HPSE2: variants seen among roughly 807,000 people sequenced by gnomAD.
HPSE2 encodes heparanase 2 (inactive), also known as inactive heparanase-2.
In HPSE2, 38 loss-of-function variants were observed where a neutral mutation model predicts 60.5. That is an observed-to-expected ratio of 0.63 (90% confidence interval 0.48 to 0.82). The LOEUF (loss-of-function observed/expected upper bound fraction) is 0.82, where lower values mean the gene tolerates loss of function less well. HPSE2 is among the 40% of genes least tolerant of loss of function. The pLI is 0.00. For missense variants in HPSE2, 713 were observed against 740.4 expected (o/e 0.96, Z 0.43); for synonymous variants, 295 against 293.2 (o/e 1.01, Z -0.06).
intron 9 of HPSE2, among the ~76,000 whole-genome samples, chr10:98,519,338 C>A (rs756357297): frequency 7.2e-5 from 11 of 152,180 alleles, no homozygotes; most frequent in Non-Finnish European, 1.3e-4. Context: ...AGTTTTTGAG[C>A]TAATTCTTAG....
chr10:98,675,746 G>C (rs1037233255), intron 6 of HPSE2, among the ~76,000 whole-genome samples: 11 of 152,020 alleles, frequency 7.2e-5, no homozygotes, highest in African/African-American at 2.4e-4. Flanking sequence ...GAAAGAAAGT[G>C]AGACAGAAAA....
chr10:98,797,434 A>G (rs1461212125), intron 3 of HPSE2, among the ~76,000 whole-genome samples: 1 of 152,240 alleles, frequency 6.6e-6, no homozygotes, highest in East Asian at 1.9e-4. Context: ...ACATACAGTC[A>G]GAGGATACAA....
chr10:98,469,486 G>T (rs192669387), intron 11 of HPSE2, among the ~76,000 whole-genome samples: 1 of 152,126 alleles, frequency 6.6e-6, no homozygotes, highest in Non-Finnish European at 1.5e-5. Context: ...TAGTTCCATC[G>T]TTCTTTTCAT....
intron 3 of HPSE2, among the ~76,000 whole-genome samples, chr10:98,819,228 G>A (rs947209026): frequency 8.4e-5 from 1 of 11,908 alleles, no homozygotes; most frequent in Non-Finnish European, 5.1e-4. Context: ...TGCAACCCCT[G>A]TCATGATCAG....
chr10:98,727,216 T>C (rs995812524), intron 4 of HPSE2, among the ~76,000 whole-genome samples: 1 of 152,182 alleles, frequency 6.6e-6, no homozygotes, highest in African/African-American at 2.4e-5. Context: ...ATCTAAAATA[T>C]GTAGTTTTCA....
At chr10:98,948,657 A>G (rs2135184271) in intron 3 of HPSE2, among the ~76,000 whole-genome samples, 1 of 152,130 alleles carries the variant, frequency 6.6e-6, no homozygotes, top group East Asian at 1.9e-4. Flanking sequence ...AGAAATTATG[A>G]TGGTATTTCT....
intron 3 of HPSE2, among the ~76,000 whole-genome samples, chr10:98,825,867 A>T (rs1951535366): frequency 6.6e-6 from 1 of 152,222 alleles, no homozygotes. Flanking sequence ...ATGTGGTGCC[A>T]AACAGCTGCA....
chr10:99,182,268 C>T lies in HPSE2; in HGVS notation c.449-37869G>A, dbSNP rs1847807047. ...CAGGCTTCTACATTCTGCCAATGTACACAAGGTCAGAGGCCAACTAATCAC... is the reference window on the plus strand; with the variant it reads ...CAGGCTTCTACATTCTGCCAATGTATACAAGGTCAGAGGCCAACTAATCAC... On this transcript the variant is annotated intron_variant, in intron 2 of 11. Coordinates refer to ENST00000370552, the MANE Select transcript of HPSE2 (RefSeq NM_021828.5). 2.6e-5 allele frequency among the ~76,000 whole-genome samples: 4 copies of T among 152,198 alleles called. No homozygotes were observed. In the South Asian group the frequency reaches 8.3e-4, roughly 32 times the overall value.
intron 3 of HPSE2, among the ~76,000 whole-genome samples, chr10:98,788,776 T>C (rs1221202638): frequency 6.6e-6 from 1 of 151,392 alleles, no homozygotes; most frequent in Non-Finnish European, 1.5e-5. Context: ...GCTTCCCAGG[T>C]GAGGCAATGC....
intron 3 of HPSE2, among the ~76,000 whole-genome samples, chr10:99,052,037 TTACTC>T (rs954168653): frequency 6.6e-6 from 1 of 150,718 alleles, no homozygotes; most frequent in African/African-American, 2.4e-5. Context: ...ACAATAAAAA[TTACTC>T]TACAGGGTAA....
rs551537449 is a variant in HPSE2, at chr10:98,490,359, T to C, written c.1321-163A>G. On this transcript the variant is annotated intron_variant, in intron 9 of 11. Coordinates refer to ENST00000370552, the MANE Select transcript of HPSE2 (RefSeq NM_021828.5). ...CAATGCAGCCCTAAGCCTACAAGCA[T>C]GGTCAGCCCCATGAAACACGAACGT... Among the ~76,000 whole-genome samples, 4 of 152,226 alleles carry C rather than the reference T, an allele frequency of 2.6e-5. No individual in the cohort carries two copies. In the South Asian group the frequency reaches 6.2e-4, roughly 24 times the overall value.
chr10:99,064,267 CAAAG>C (rs1474024146), intron 3 of HPSE2, among the ~76,000 whole-genome samples: 2 of 151,940 alleles, frequency 1.3e-5, no homozygotes, highest in Non-Finnish European at 2.9e-5. Flanking sequence ...TGAAATCTAA[CAAAG>C]AAGTAACATT....
intron 7 of HPSE2, among the ~76,000 whole-genome samples, chr10:98,634,267 A>T (rs1328640109): frequency 1.3e-5 from 2 of 152,146 alleles, no homozygotes; most frequent in Non-Finnish European, 2.9e-5. Context: ...CTTCCCTCCA[A>T]CATGTATTGA....
In HPSE2 at chr10:98,459,331, A is replaced by G. The variant is rs1390666363; in HGVS notation, c.*243T>C. 5 of 565,226 alleles carry G rather than the reference A, an allele frequency of 8.8e-6. No individual in the cohort carries two copies. Among genetic ancestry groups the G allele is most frequent in the Middle Eastern group, 4.8e-4 (1 of 2,064 alleles). 35.0% of individuals were successfully genotyped at this position (565,226 alleles called of 1,614,324 possible). A position where few individuals can be genotyped will look rare whatever the true frequency, so the allele number is the denominator to read the frequency against. On this transcript the variant is annotated 3_prime_UTR_variant, in exon 12 of 12. Coordinates refer to ENST00000370552, the MANE Select transcript of HPSE2 (RefSeq NM_021828.5). ...AAGGGAAACATTCTGCTCTATACACATGCCTTTATCCTTATATAGGTACAG... is the reference window on the plus strand; with the variant it reads ...AAGGGAAACATTCTGCTCTATACACGTGCCTTTATCCTTATATAGGTACAG...
At chr10:98,579,781 TAC>T (rs1944742430) in intron 9 of HPSE2, among the ~76,000 whole-genome samples, 2 of 152,214 alleles carry the variant, frequency 1.3e-5, no homozygotes, top group Non-Finnish European at 2.9e-5. Flanking sequence ...CCCTCCACTT[TAC>T]AGTTTCTAAA....
At chr10:98,819,806 G>A (rs992673475) in intron 3 of HPSE2, among the ~76,000 whole-genome samples, 8 of 152,092 alleles carry the variant, frequency 5.3e-5, no homozygotes, top group Non-Finnish European at 1.0e-4. Flanking sequence ...CAGAAATTAA[G>A]CCAATTACAG....
intron 4 of HPSE2, among the ~76,000 whole-genome samples, chr10:98,726,524 T>A (rs988087689): frequency 6.6e-6 from 1 of 150,728 alleles, no homozygotes; most frequent in Non-Finnish European, 1.5e-5. Flanking sequence ...TTAGGAGATA[T>A]ACCTAATGCT....
intron 2 of HPSE2, among the ~76,000 whole-genome samples, chr10:99,226,226 T>A (rs541356154): frequency 6.6e-6 from 1 of 152,138 alleles, no homozygotes; most frequent in South Asian, 2.1e-4. Flanking sequence ...TCTACCTACC[T>A]ATCTAACTCC....
intron 9 of HPSE2, among the ~76,000 whole-genome samples, chr10:98,497,311 G>A (rs1449919132): frequency 6.6e-6 from 1 of 152,050 alleles, no homozygotes; most frequent in Non-Finnish European, 1.5e-5. Context: ...AGGATTTGCT[G>A]TACATCATTT....
Sources: allele counts gnomAD v4.1 joint callset (sites outside exome capture counted in the v4.1 genomes callset), GRCh38; gene constraint gnomAD v4.1.1; transcripts MANE v1.5; gene names NCBI Gene and HGNC (gene_info 2026-07-23, HGNC 2026-07-21).